AGBL4: variants seen among roughly 807,000 people sequenced by gnomAD.
The protein encoded by AGBL4 is AGBL carboxypeptidase 4.
Under a neutral mutation model 66.4 loss-of-function variants are expected in AGBL4, and 58 were observed. That is an observed-to-expected ratio of 0.87 (90% CI 0.71 to 1.09). The LOEUF (loss-of-function observed/expected upper bound fraction) is 1.09, where lower values mean the gene tolerates loss of function less well. Ranked by LOEUF, AGBL4 falls within the 50% of genes least tolerant of loss-of-function variation. The pLI is 0.00. For synonymous variants in AGBL4, 234 were observed against 222.9 expected (o/e 1.05, Z -0.44); for missense variants, 579 against 631.0 (o/e 0.92, Z 0.88).
At chr1:48,725,643 C>T (rs1325388330) in intron 6 of AGBL4, among the ~76,000 whole-genome samples, 1 of 152,180 alleles carries the variant, frequency 6.6e-6, no homozygotes, top group Non-Finnish European at 1.5e-5. Context: ...GCAGGTTTTT[C>T]ACAGACCTGA....
At chr1:49,975,262 T>C (rs1015556567) in intron 1 of AGBL4, among the ~76,000 whole-genome samples, 1 of 152,162 alleles carries the variant, frequency 6.6e-6, no homozygotes, top group African/African-American at 2.4e-5. Context: ...TACAGTACTG[T>C]TGGGTATAAT....
chr1:49,045,693 T>C lies in AGBL4; in HGVS notation c.485A>G (p.Gln162Arg). The C allele has an allele frequency of 6.4e-7, 1 of 1,562,094 alleles. No individual in the cohort carries two copies. The highest frequency in any genetic ancestry group is 8.7e-7 in the Non-Finnish European group (1 of 1,151,944). ...TGTATATGGGTAGCAGTAAGCAAAC[T>C]GGTAAATATCTTCTTCTCGGTCAAA... is the stretch of plus-strand genomic sequence containing the variant. Reference protein sequence around the residue: ...FCFDREEDIYQFAYCYPYTYT... With the variant: ...FCFDREEDIYRFAYCYPYTYT... The change falls in exon 5 of 14, where the codon CAG becomes CGG. Residue 162 changes from glutamine (Q) to arginine (R), a missense_variant. By Grantham distance (43) the Gln-to-Arg change is conservative. Coordinates refer to ENST00000371839, the MANE Select transcript of AGBL4 (RefSeq NM_032785.4).
At chr1:48,558,180 A>G (rs574266826) in intron 11 of AGBL4, among the ~76,000 whole-genome samples, 21 of 152,322 alleles carry the variant, frequency 1.4e-4, no homozygotes, top group African/African-American at 4.3e-4. Context: ...AATAAAAAAT[A>G]CATTATCCTC....
chr1:48,892,814 C>G lies in AGBL4; in HGVS notation c.595-25584G>C, dbSNP rs190207934. Among the ~76,000 whole-genome samples, 10 of 152,296 alleles carry G rather than the reference C, an allele frequency of 6.6e-5. No homozygotes were observed. In the East Asian group the frequency reaches 1.9e-3, roughly 29 times the overall value. The stretch of plus-strand genomic sequence containing the variant: ...ATTTGGGGGCCCAGGATATTTTCCT[C>G]TAACCATTCCCCCCCTTTTCTTTTT... On this transcript the variant is annotated intron_variant, in intron 5 of 13. Coordinates refer to ENST00000371839, the MANE Select transcript of AGBL4 (RefSeq NM_032785.4).
intron 11 of AGBL4, among the ~76,000 whole-genome samples, chr1:48,577,629 A>T (rs760173593): frequency 2.6e-5 from 4 of 152,110 alleles, no homozygotes; most frequent in Non-Finnish European, 5.9e-5. Context: ...GCACATTTTG[A>T]TCTGGAGGTG....
intron 2 of AGBL4, among the ~76,000 whole-genome samples, chr1:49,758,942 T>C (rs1652103685): frequency 6.6e-6 from 1 of 152,188 alleles, no homozygotes; most frequent in Admixed American, 6.5e-5. Flanking sequence ...TAATCTGAAC[T>C]GTAATCCCCA....
chr1:49,704,953 T>A (rs1042089928), intron 2 of AGBL4, among the ~76,000 whole-genome samples: 2 of 152,148 alleles, frequency 1.3e-5, no homozygotes, highest in Admixed American at 6.6e-5. Flanking sequence ...AGTTTTCTAA[T>A]TCTGTGAAGA....
chr1:49,380,833 C>A (rs890808241), intron 3 of AGBL4, among the ~76,000 whole-genome samples: 1 of 152,130 alleles, frequency 6.6e-6, no homozygotes, highest in Non-Finnish European at 1.5e-5. Context: ...ACACCTTATA[C>A]AAAAATTAAT....
At chr1:48,776,524 C>A in intron 6 of AGBL4, 1 of 998,440 alleles carries the variant, frequency 1.0e-6, no homozygotes, top group Non-Finnish European at 1.4e-6. Context: ...TCCCCCCGGT[C>A]CCCTCCGCCC....
At chr1:49,730,220 T>G (rs1649334114) in intron 2 of AGBL4, among the ~76,000 whole-genome samples, 1 of 152,102 alleles carries the variant, frequency 6.6e-6, no homozygotes, top group Non-Finnish European at 1.5e-5. Context: ...TCTGCCTTGC[T>G]CATTCTCCAG....
At chr1:49,473,362 T>C (rs1646785213) in intron 3 of AGBL4, among the ~76,000 whole-genome samples, 1 of 152,060 alleles carries the variant, frequency 6.6e-6, no homozygotes, top group South Asian at 2.1e-4. Context: ...GGTACCTCAT[T>C]GTGGTTTTGA....
chr1:49,361,700 C>T (rs963082578), intron 3 of AGBL4, among the ~76,000 whole-genome samples: 9 of 152,034 alleles, frequency 5.9e-5, no homozygotes, highest in Non-Finnish European at 8.8e-5. Flanking sequence ...TTTAAAAACC[C>T]TTTAACAAAG....
intron 6 of AGBL4, among the ~76,000 whole-genome samples, chr1:48,757,261 A>G (rs369137328): frequency 3.7e-4 from 57 of 152,288 alleles, no homozygotes; most frequent in African/African-American, 1.3e-3. Context: ...ATTGGGAAAC[A>G]TTTTTTCTCT....
intron 3 of AGBL4, among the ~76,000 whole-genome samples, chr1:49,687,825 C>T (rs1412492918): frequency 6.6e-6 from 1 of 151,840 alleles, no homozygotes; most frequent in Non-Finnish European, 1.5e-5. Context: ...ATGTTTGCCA[C>T]ACTTACACTA....
intron 6 of AGBL4, chr1:48,742,879 T>C: frequency 8.5e-7 from 1 of 1,176,662 alleles, no homozygotes; most frequent in Non-Finnish European, 1.1e-6. Context: ...ATTTGCTAGC[T>C]TATTTTTGTC....
intron 6 of AGBL4, among the ~76,000 whole-genome samples, chr1:48,778,618 T>C (rs1323673996): frequency 3.3e-5 from 5 of 152,232 alleles, no homozygotes; most frequent in Non-Finnish European, 7.3e-5. Flanking sequence ...TTTAGCTTCT[T>C]AGTAGTGGTA....
intron 1 of AGBL4, among the ~76,000 whole-genome samples, chr1:49,912,309 C>T (rs1367921550): frequency 4.6e-5 from 7 of 152,164 alleles, no homozygotes; most frequent in African/African-American, 1.7e-4. Flanking sequence ...CAGCTCCAGT[C>T]CCTTCCACTG....
intron 5 of AGBL4, among the ~76,000 whole-genome samples, chr1:48,928,002 G>A (rs1203266575): frequency 4.6e-5 from 7 of 152,268 alleles, no homozygotes; most frequent in Non-Finnish European, 8.8e-5. Context: ...AAGTGTATGC[G>A]TTTTTTATAT....
At chr1:48,987,978 C>G (rs1308039641) in intron 5 of AGBL4, among the ~76,000 whole-genome samples, 2 of 152,064 alleles carry the variant, frequency 1.3e-5, no homozygotes, top group Non-Finnish European at 1.5e-5. Context: ...TCTCCTCCTG[C>G]TTCCCCTTCC....
Sources: allele counts gnomAD v4.1 joint callset (sites outside exome capture counted in the v4.1 genomes callset), GRCh38; gene constraint gnomAD v4.1.1; transcripts MANE v1.5; gene names NCBI Gene and HGNC (gene_info 2026-07-23, HGNC 2026-07-21).